The following PAK5 variants were observed in gnomAD, a reference collection of about 807,000 sequenced individuals.
PAK5 encodes the protein serine/threonine-protein kinase PAK 5.
Under a neutral mutation model 65.9 loss-of-function variants are expected in PAK5, and 16 were observed. That is an observed-to-expected ratio of 0.24 (90% CI 0.16 to 0.37). The LOEUF (loss-of-function observed/expected upper bound fraction) is 0.37. PAK5 is among the 10% of genes least tolerant of loss of function. The pLI is 1.00. For synonymous variants in PAK5, 371 were observed against 354.9 expected, an observed-to-expected ratio of 1.05 and a Z score of -0.51; for missense variants, 785 against 903.9, an observed-to-expected ratio of 0.87 and a Z score of 1.69.
intron 1 of PAK5, among the ~76,000 whole-genome samples, chr20:9,837,129 C>G (rs1326891850): frequency 6.6e-6 from 1 of 152,108 alleles, no homozygotes; most frequent in African/African-American, 2.4e-5. Flanking sequence ...CAATCTCTAC[C>G]CACTCACAGA....
At chr20:9,704,298 G>A (rs2047978020) in intron 2 of PAK5, among the ~76,000 whole-genome samples, 1 of 152,152 alleles carries the variant, frequency 6.6e-6, no homozygotes, top group Non-Finnish European at 1.5e-5. Context: ...CATGCCTTAA[G>A]TTGGCAATGA....
At chr20:9,662,638 G>A (rs2047361680) in intron 2 of PAK5, among the ~76,000 whole-genome samples, 1 of 152,134 alleles carries the variant, frequency 6.6e-6, no homozygotes, top group Non-Finnish European at 1.5e-5. Flanking sequence ...ACTGCTGTAT[G>A]GAGGAAATCC....
At chr20:9,650,080 G>A (rs1159520464) in intron 2 of PAK5, among the ~76,000 whole-genome samples, 1 of 152,192 alleles carries the variant, frequency 6.6e-6, no homozygotes, top group Non-Finnish European at 1.5e-5. Flanking sequence ...GCCTCTCTCA[G>A]ATGGAGAGTC....
At chr20:9,767,587 G>A (rs2048783016) in intron 1 of PAK5, among the ~76,000 whole-genome samples, 1 of 152,172 alleles carries the variant, frequency 6.6e-6, no homozygotes, top group Non-Finnish European at 1.5e-5. Context: ...GAGCCTAGCA[G>A]AGTGGGCAAT....
intron 1 of PAK5, among the ~76,000 whole-genome samples, chr20:9,723,540 C>T (rs2048241684): frequency 6.6e-6 from 1 of 152,084 alleles, no homozygotes; most frequent in South Asian, 2.1e-4. Flanking sequence ...TAGGTCACTC[C>T]CTCTCTGGCT....
chr20:9,589,990 C>T (rs1460418023), intron 3 of PAK5, among the ~76,000 whole-genome samples: 1 of 152,040 alleles, frequency 6.6e-6, no homozygotes, highest in Admixed American at 6.6e-5. Context: ...TAATATATTA[C>T]AAATTTTTTT....
chr20:9,810,377 A>C (rs1016325111), intron 1 of PAK5, among the ~76,000 whole-genome samples: 3 of 152,034 alleles, frequency 2.0e-5, no homozygotes, highest in African/African-American at 7.2e-5. Context: ...GTTTGAGAAC[A>C]GCCTGGGAAA....
intron 3 of PAK5, among the ~76,000 whole-genome samples, chr20:9,604,165 C>T (rs993243293): frequency 2.0e-5 from 3 of 152,176 alleles, no homozygotes; most frequent in Admixed American, 6.5e-5. Flanking sequence ...CTGATTAGTT[C>T]CTTGTCAATG....
At chr20:9,541,242 A>C (rs1338219424) in intron 9 of PAK5, among the ~76,000 whole-genome samples, 1 of 152,146 alleles carries the variant, frequency 6.6e-6, no homozygotes, top group Non-Finnish European at 1.5e-5. Flanking sequence ...TTGTCATAAG[A>C]TAGGAAGAGA....
At chr20:9,642,047 G>T (rs537965484) in intron 3 of PAK5, among the ~76,000 whole-genome samples, 8 of 152,126 alleles carry the variant, frequency 5.3e-5, no homozygotes, top group Non-Finnish European at 1.0e-4. Flanking sequence ...ACAGTGCAGC[G>T]GGGGGGCTGA....
At chr20:9,642,937 G>A (rs2047088713) in intron 3 of PAK5, among the ~76,000 whole-genome samples, 1 of 152,176 alleles carries the variant, frequency 6.6e-6, no homozygotes, top group African/African-American at 2.4e-5. Flanking sequence ...AGACTCATAT[G>A]TTCAATACCA....
chr20:9,766,386 A>ATATATTCTACTTACT (rs1569079090), intron 1 of PAK5, among the ~76,000 whole-genome samples: 18 of 57,634 alleles, frequency 3.1e-4, no homozygotes, highest in Admixed American at 4.5e-4. Flanking sequence ...CAGAATATAT[A>ATATATTCTACTTACT]TGTATATATA....
Position 9,729,901 on chromosome 20 carries a change from A to G in PAK5, c.-161-18466T>C, listed in dbSNP as rs151063977. 8.4e-3 allele frequency among the ~76,000 whole-genome samples: 1,268 copies of G among 150,060 alleles called. 21 individuals carry two copies. Among genetic ancestry groups the G allele is most frequent in the Non-Finnish European group, 0.012 (811 of 67,800 alleles). The stretch of plus-strand genomic sequence containing the variant: ...GTGATGTGTGCCTGTAGTCCCAGCT[A>G]CTCTGGTGGCTGAGGTGGGAGGATT... On this transcript the variant is annotated intron_variant, in intron 1 of 9. Coordinates refer to ENST00000353224, the MANE Select transcript of PAK5 (RefSeq NM_177990.4).
intron 9 of PAK5, among the ~76,000 whole-genome samples, chr20:9,540,271 C>T (rs1332932678): frequency 6.6e-6 from 1 of 152,080 alleles, no homozygotes; most frequent in Non-Finnish European, 1.5e-5. Context: ...GAGTGTGGCT[C>T]AATGGATTTT....
At chr20:9,558,273 G>C (rs1303509607) in intron 6 of PAK5, among the ~76,000 whole-genome samples, 1 of 151,744 alleles carries the variant, frequency 6.6e-6, no homozygotes, top group Non-Finnish European at 1.5e-5. Context: ...CATTATGCCC[G>C]GCTAATTTTT....
At chr20:9,690,142 C>A (rs1337759777) in intron 2 of PAK5, among the ~76,000 whole-genome samples, 2 of 152,092 alleles carry the variant, frequency 1.3e-5, no homozygotes, top group Non-Finnish European at 2.9e-5. Context: ...CCGAACTGTC[C>A]CTGGTCAGAA....
At chr20:9,822,969 A>G (rs779962995) in intron 1 of PAK5, among the ~76,000 whole-genome samples, 1 of 152,218 alleles carries the variant, frequency 6.6e-6, no homozygotes, top group Non-Finnish European at 1.5e-5. Flanking sequence ...CCTTTCTGCT[A>G]TGATTTAGAT....
intron 1 of PAK5, among the ~76,000 whole-genome samples, chr20:9,758,543 G>A (rs977347126): frequency 6.6e-6 from 1 of 152,126 alleles, no homozygotes; most frequent in African/African-American, 2.4e-5. Context: ...AAGCCAGCTC[G>A]CATAGAACAG....
intron 1 of PAK5, among the ~76,000 whole-genome samples, chr20:9,784,948 T>A (rs181620453): frequency 2.0e-5 from 3 of 152,252 alleles, no homozygotes; most frequent in Admixed American, 1.3e-4. Context: ...CAGTTTAGTC[T>A]CAAAGGAAGA....
Sources: gnomAD v4.1 joint callset for allele counts (sites outside exome capture counted in the v4.1 genomes callset) on GRCh38, gnomAD v4.1.1 for gene constraint, MANE v1.5 for transcripts, NCBI Gene and HGNC (gene_info 2026-07-23, HGNC 2026-07-21) for gene names.